Variants in PIEZO1 observed in about 807,000 individuals in gnomAD.
The protein encoded by PIEZO1 is piezo-type mechanosensitive ion channel component 1.
PIEZO1 carries 296 observed loss-of-function variants against 297.2 expected under a neutral mutation model. The observed-to-expected ratio is 1.00, with a 90% CI of 0.91 to 1.10. The LOEUF (loss-of-function observed/expected upper bound fraction) is 1.10, where lower values mean the gene tolerates loss of function less well. PIEZO1 is among the 50% of genes least tolerant of loss of function. The probability of loss-of-function intolerance (pLI) is 0.00; values close to 1 mark genes in which losing one functional copy is unlikely to be tolerated. For missense variants in PIEZO1, 5,018 were observed against 3,455.5 expected (o/e 1.45, Z -11.34); for synonymous variants, 2,427 against 1,507.5 (o/e 1.61, Z -14.13).
In PIEZO1 at chr16:88,734,732, G is replaced by C. The variant is rs1485629699; in HGVS notation, c.1915C>G (p.Leu639Val). 3.9e-6 allele frequency: 6 copies of C among 1,550,274 alleles called. No individual in the cohort carries two copies. Among genetic ancestry groups the C allele is most frequent in the Middle Eastern group, 1.7e-4 (1 of 5,992 alleles). The change falls in exon 15 of 51, where the codon CTG becomes GTG. Residue 639 changes from leucine to valine, a missense_variant. Transcript: ENST00000301015. ...FWWLVVAYTMLVLIAVYTFQF... is the reference protein window; with the variant it reads ...FWWLVVAYTMVVLIAVYTFQF... ...AAGGTGTAGACGGCGATGAGGACCAGCATGGTGTAGGCCACCACGAGCCAC... is the reference window on the plus strand; with the variant it reads ...AAGGTGTAGACGGCGATGAGGACCACCATGGTGTAGGCCACCACGAGCCAC...
Position 88,715,544 on chromosome 16 carries a change from C to T in PIEZO1, c.*61G>A. On this transcript the variant is annotated 3_prime_UTR_variant, in exon 51 of 51. Transcript: ENST00000301015. ...GCTCCCCCGGCCTGAGGAGTGCCGCCCCTTGTGGCCACGCTGCCCAGCAGG... is the reference window on the plus strand; with the variant it reads ...GCTCCCCCGGCCTGAGGAGTGCCGCTCCTTGTGGCCACGCTGCCCAGCAGG... 3 of 1,491,706 alleles carry T rather than the reference C, an allele frequency of 2.0e-6. No homozygotes were observed. Among genetic ancestry groups the T allele is most frequent in the Non-Finnish European group, 2.7e-6 (3 of 1,106,548 alleles). The allele number at this position is 1,491,706 out of a possible 1,614,324, so 92.4% of individuals were successfully genotyped here.
In PIEZO1 at chr16:88,749,364, G is replaced by C. The variant is rs1307156065; in HGVS notation, c.160+20C>G. On this transcript the variant is annotated intron_variant, in intron 2 of 50. Transcript: ENST00000301015. ...ACCCCCTCCCACCCTGAGAGCGTGGGCAGGGTCCCCTGGCCTTACCTTGGA... is the reference window on the plus strand; with the variant it reads ...ACCCCCTCCCACCCTGAGAGCGTGGCCAGGGTCCCCTGGCCTTACCTTGGA... 4 of 1,450,006 alleles carry C rather than the reference G, an allele frequency of 2.8e-6. No individual in the cohort carries two copies. The highest frequency in any genetic ancestry group is 3.6e-6 in the Non-Finnish European group (4 of 1,103,936). The allele number at this position is 1,450,006 out of a possible 1,614,324, so 89.8% of individuals were successfully genotyped here.
At chr16:88,755,044 CA>C (rs1159193753) in intron 1 of PIEZO1, among the ~76,000 whole-genome samples, 4 of 152,246 alleles carry the variant, frequency 2.6e-5, no homozygotes, top group Non-Finnish European at 5.9e-5. Context: ...CTGCGGCCAT[CA>C]GGTCACCGCC....
rs1265150228 is a variant in PIEZO1, at chr16:88,735,198, C to A, written c.1606G>T (p.Glu536Ter). Residue 536 changes from glutamate to a stop codon, truncating the protein, a stop_gained, in exon 13 of 51, where the codon GAG becomes TAG. Coordinates refer to ENST00000301015, the MANE Select transcript of PIEZO1 (RefSeq NM_001142864.4). LOFTEE classifies it high-confidence loss of function. ...GACTCTGCCCACTTCAGCAGCTTCT[C>A]TTTCACAAACTGGCGCAGCAGGAGC... is the stretch of plus-strand genomic sequence containing the variant. ...FWLLLRQFVK[E>*]KLLKWAESPA... 6.4e-7 allele frequency: 1 copy of A among 1,550,438 alleles called. No homozygotes were observed. The highest frequency in any genetic ancestry group is 8.7e-7 in the Non-Finnish European group (1 of 1,146,950).
chr16:88,722,196 G>A, intron 36 of PIEZO1, 22 bp downstream of exon 36: 2 of 1,540,432 alleles, frequency 1.3e-6, no homozygotes, highest in Non-Finnish European at 1.7e-6. Context: ...TGAGGCTGGT[G>A]TTGTGCGCGT....
At chr16:88,758,788 C>G (rs1192085998) in intron 1 of PIEZO1, among the ~76,000 whole-genome samples, 1 of 152,244 alleles carries the variant, frequency 6.6e-6, no homozygotes, top group Non-Finnish European at 1.5e-5. Context: ...AAATCAAGAA[C>G]CATAACTCCC....
chr16:88,721,974 A>G lies in PIEZO1; in HGVS notation c.5048T>C (p.Val1683Ala). Reference protein sequence around the residue: ...LRLLRAVYQCVAAHSELLCYF... With the variant: ...LRLLRAVYQCAAAHSELLCYF... Reference sequence around the variant, plus strand: ...GCAGAGCAGCTCCGAGTGGGCGGCCACACACTGGTACACGGCCCGCAGCAG... The same window carrying G: ...GCAGAGCAGCTCCGAGTGGGCGGCCGCACACTGGTACACGGCCCGCAGCAG... Residue 1683 changes from valine to alanine, a missense_variant, in exon 37 of 51, where the codon GTG becomes GCG. Val to Ala is a moderately conservative substitution (Grantham distance 64, BLOSUM62 0). Coordinates refer to ENST00000301015, the MANE Select transcript of PIEZO1 (RefSeq NM_001142864.4). 1 of 1,549,960 alleles carries G rather than the reference A, an allele frequency of 6.5e-7. No homozygotes were observed. Among genetic ancestry groups the G allele is most frequent in the Non-Finnish European group, 8.7e-7 (1 of 1,146,796 alleles).
rs774090082 is a variant in PIEZO1, at chr16:88,733,396, C to T, written c.2546G>A (p.Arg849His). 3.4e-4 allele frequency: 525 copies of T among 1,549,976 alleles called. 1 individual carries two copies. The highest frequency in any genetic ancestry group is 4.2e-4 in the Non-Finnish European group (487 of 1,146,830). ...VLWAFALPYP[R>H]FRPMASCLST... ...CAGGCAGGAGGCCATGGGCCGGAAG[C>T]GTGGGTAGGGCAGGGCGAAGGCCCA... is the stretch of plus-strand genomic sequence containing the variant. Residue 849 changes from arginine (R) to histidine (H), a missense_variant, in exon 19 of 51, where the codon CGC (arginine) becomes CAC (histidine). By Grantham distance (29) the Arg-to-His change is conservative. Coordinates refer to ENST00000301015, the MANE Select transcript of PIEZO1 (RefSeq NM_001142864.4).
In PIEZO1 at chr16:88,715,921, C is replaced by T; in HGVS notation, c.7316+12G>A. The T allele has an allele frequency of 6.5e-7, 1 of 1,547,532 alleles. No individual in the cohort carries two copies. The highest frequency in any genetic ancestry group is 8.7e-7 in the Non-Finnish European group (1 of 1,144,846). On this transcript the variant is annotated intron_variant, in intron 50 of 50. Transcript: ENST00000301015. The stretch of plus-strand genomic sequence containing the variant: ...CCCGAGCTGCGGGGTGCCCCCCCAG[C>T]CACTCACTCACCCGTAGCCAGCCAG...
intron 2 of PIEZO1, among the ~76,000 whole-genome samples, chr16:88,746,804 T>A (rs1906082478): frequency 6.6e-6 from 1 of 152,158 alleles, no homozygotes; most frequent in South Asian, 2.1e-4. Flanking sequence ...CCACTGCTGA[T>A]TAAAGGAAAG....
intron 1 of PIEZO1, among the ~76,000 whole-genome samples, chr16:88,778,141 C>A (rs1390697103): frequency 6.6e-6 from 1 of 152,238 alleles, no homozygotes; most frequent in Non-Finnish European, 1.5e-5. Flanking sequence ...GTCCAGGACT[C>A]CCCTGCCTGA....
Position 88,721,887 on chromosome 16 carries a change from AC to A in PIEZO1, c.5134del (p.Val1712CysfsTer20). ...CAGCATGGCCCACAGGAAGACGAGC[AC>A]GGGCAGCACCAGCGAGCCGGCGGAG... The part of the protein sequence containing the change: ...TASAGSLVLP[V>X]LVFLWAMLSI... On this transcript the variant is annotated frameshift_variant, in exon 37 of 51. Transcript: ENST00000301015. LOFTEE classifies it high-confidence loss of function. 1 of 1,550,038 alleles carries A rather than the reference AC, an allele frequency of 6.5e-7. No homozygotes were observed. Among genetic ancestry groups the A allele is most frequent in the Middle Eastern group, 1.7e-4 (1 of 5,990 alleles).
rs569695728 is a variant in PIEZO1 at position 88,735,938 on chromosome 16, C to T, written c.1557+210G>A. Among the ~76,000 whole-genome samples the T allele has an allele frequency of 1.1e-4, 17 of 152,302 alleles. No individual in the cohort carries two copies. The South Asian group carries it at 2.5e-3, about 22-fold the overall frequency. ...AGTGTCAGGGCACAGGGGTGGTGCC[C>T]GTGCCAACACAAGGTTGTCTGTTTA... On this transcript the variant is annotated intron_variant, in intron 12 of 50. Transcript: ENST00000301015.
At chr16:88,735,952 G>A (rs1467779097) in intron 12 of PIEZO1, among the ~76,000 whole-genome samples, 196 bp downstream of exon 12, 2 of 152,250 alleles carry the variant, frequency 1.3e-5, no homozygotes, top group Admixed American at 6.5e-5. Context: ...CCAACACAAG[G>A]TTGTCTGTTT....
intron 21 of PIEZO1, among the ~76,000 whole-genome samples, 176 bp from the exon 22 acceptor site, chr16:88,732,086 G>C (rs547466444): frequency 6.6e-6 from 1 of 151,870 alleles, no homozygotes; most frequent in African/African-American, 2.4e-5. Flanking sequence ...AGTTGCCATC[G>C]TGCAGGGGAA....
intron 10 of PIEZO1, 85 bp from the exon 11 acceptor site, chr16:88,736,824 G>T: frequency 1.2e-6 from 1 of 836,082 alleles, no homozygotes; most frequent in Non-Finnish European, 1.8e-6. Context: ...TGGGCCCTGG[G>T]CAAGCACACA....
At chr16:88,749,064 C>A (rs113926644) in intron 2 of PIEZO1, among the ~76,000 whole-genome samples, 19 of 151,368 alleles carry the variant, frequency 1.3e-4, no homozygotes, top group Admixed American at 7.9e-4. Context: ...GGTGAAACCC[C>A]GTCTCTACTA....
At chr16:88,730,597 CAAAAAAA>C (rs59142015) in intron 22 of PIEZO1, among the ~76,000 whole-genome samples, 26 of 84,272 alleles carry the variant, frequency 3.1e-4, no homozygotes, top group Non-Finnish European at 3.8e-4. Flanking sequence ...GACTCCATCT[CAAAAAAA>C]AAAAAAAAAA....
chr16:88,718,047 C>T (rs12449114), intron 44 of PIEZO1: 80,595 of 276,764 alleles, frequency 0.29, 12,351 homozygotes, highest in Middle Eastern at 0.36. Flanking sequence ...CATGCCACTG[C>T]ACTTCAGCCT....
Sources: gnomAD v4.1 joint callset for allele counts (sites outside exome capture counted in the v4.1 genomes callset) on GRCh38, gnomAD v4.1.1 for gene constraint, MANE v1.5 for transcripts, NCBI Gene and HGNC (gene_info 2026-07-23, HGNC 2026-07-21) for gene names.